The following CES5A variants were observed in gnomAD, a reference collection of about 807,000 sequenced individuals.
CES5A encodes the protein carboxylesterase 5.
A neutral mutation model predicts 62.9 loss-of-function variants in CES5A; 67 were observed. The observed-to-expected ratio is 1.07, with a 90% CI of 0.88 to 1.31. CES5A has a LOEUF of 1.31. CES5A is among the 50% of genes most tolerant of loss of function. CES5A has a pLI of 0.00. For missense variants in CES5A, 748 were observed against 708.5 expected (o/e 1.06, Z -0.63); for synonymous variants, 296 against 280.8 (o/e 1.05, Z -0.54).
intron 6 of CES5A, among the ~76,000 whole-genome samples, chr16:55,862,962 C>T (rs2033382808): frequency 6.6e-6 from 1 of 152,176 alleles, no homozygotes; most frequent in African/African-American, 2.4e-5. Context: ...AGCATTATTT[C>T]CCACTGAGCT....
In CES5A at chr16:55,873,892, C is replaced by G. The variant is rs374468646; in HGVS notation, c.219G>C (p.Thr73=). ...CCCAGGGCGATGCAGGCTGCGGGTT[C>G]GTAAATCGCAGGGATCCCAGCGGGG... is the stretch of plus-strand genomic sequence containing the variant. The part of the protein sequence containing the change: ...AAPPLGSLRF[T]NPQPASPWDN... The change falls in exon 2 of 13, where the codon ACG becomes ACC. Residue 73 remains threonine (T), a synonymous_variant. Coordinates refer to ENST00000290567, the MANE Select transcript of CES5A (RefSeq NM_001143685.2). The G allele has an allele frequency of 1.9e-6, 3 of 1,613,654 alleles. No homozygotes were observed. Among genetic ancestry groups the G allele is most frequent in the African/African-American group, 2.7e-5 (2 of 74,924 alleles).
At chr16:55,917,288 AC>A (rs1263093153) in intron 1 of CES5A, among the ~76,000 whole-genome samples, 1 of 152,138 alleles carries the variant, frequency 6.6e-6, no homozygotes, top group Non-Finnish European at 1.5e-5. Context: ...CTCACAAATT[AC>A]CCCCTAAATT....
chr16:55,900,661 T>G (rs1182306325), intron 1 of CES5A, among the ~76,000 whole-genome samples: 1 of 152,158 alleles, frequency 6.6e-6, no homozygotes, highest in African/African-American at 2.4e-5. Context: ...CCCTGGTGAT[T>G]GTCCAGAGGG....
intron 2 of CES5A, among the ~76,000 whole-genome samples, chr16:55,931,140 C>T (rs1422523030): frequency 1.3e-5 from 2 of 152,214 alleles, no homozygotes; most frequent in African/African-American, 4.8e-5. Flanking sequence ...TAGTCCAGTG[C>T]TTTTTCCACT....
At chr16:55,855,299 T>C (rs1249153583) in intron 9 of CES5A, among the ~76,000 whole-genome samples, 1 of 151,906 alleles carries the variant, frequency 6.6e-6, no homozygotes, top group Non-Finnish European at 1.5e-5. Flanking sequence ...TAAACGTTTA[T>C]GGAAAAAGAG....
chr16:55,875,135 A>G lies in CES5A; in HGVS notation c.73+14T>C, dbSNP rs1006733016. On this transcript the variant is annotated intron_variant, in intron 1 of 12. Transcript: ENST00000290567. ...CATCTTCTGAGAGCCCTCCTTTCCC[A>G]TTGGATATCTCACCTTTGGTGGGGG... is the stretch of plus-strand genomic sequence containing the variant. 3 of 1,613,012 alleles carry G rather than the reference A, an allele frequency of 1.9e-6. No individual in the cohort carries two copies. In the African/African-American group the frequency reaches 4.0e-5, roughly 22 times the overall value.
chr16:55,921,265 A>T (rs1322019000), intron 1 of CES5A, among the ~76,000 whole-genome samples: 3 of 152,166 alleles, frequency 2.0e-5, no homozygotes, highest in Admixed American at 2.0e-4. Context: ...GGAAGATCAG[A>T]GAATTCCAAA....
intron 1 of CES5A, among the ~76,000 whole-genome samples, chr16:55,910,152 T>C (rs1351518045): frequency 6.6e-6 from 1 of 152,180 alleles, no homozygotes; most frequent in East Asian, 1.9e-4. Context: ...CGATGTGCCC[T>C]GTGGCCACAC....
chr16:55,852,592 G>A (rs2142385535), intron 10 of CES5A, among the ~76,000 whole-genome samples: 1 of 152,262 alleles, frequency 6.6e-6, no homozygotes, highest in Non-Finnish European at 1.5e-5. Flanking sequence ...TTTCTAGAAA[G>A]AAAAAATCCT....
intron 1 of CES5A, among the ~76,000 whole-genome samples, chr16:55,912,451 A>C (rs1044192404): frequency 6.6e-6 from 1 of 152,136 alleles, no homozygotes; most frequent in African/African-American, 2.4e-5. Context: ...GCCAGGCACC[A>C]AGGGGGTGCT....
At position 55,854,544 on chromosome 16, in the gene CES5A, C is replaced by CTTTTTTTTTTTTTTTTTTTTTT. The variant is rs56017491; in HGVS notation, c.1126-1517_1126-1516insAAAAAAAAAAAAAAAAAAAAAA. 5.1e-4 allele frequency among the ~76,000 whole-genome samples: 33 copies of CTTTTTTTTTTTTTTTTTTTTTT among 64,418 alleles called. 8 individuals carry two copies. Among genetic ancestry groups the CTTTTTTTTTTTTTTTTTTTTTT allele is most frequent in the African/African-American group, 1.8e-3 (26 of 14,322 alleles). 42.3% of individuals were successfully genotyped at this position (64,418 alleles called of 152,430 possible). A position where few individuals can be genotyped will look rare whatever the true frequency, so the allele number is the denominator to read the frequency against. On this transcript the variant is annotated intron_variant, in intron 9 of 12. Coordinates refer to ENST00000290567, the MANE Select transcript of CES5A (RefSeq NM_001143685.2). The stretch of plus-strand genomic sequence containing the variant: ...CCTGTAGTGTTTCTTTTTTTTTTTT[C>CTTTTTTTTTTTTTTTTTTTTTT]TTTTTTTTTTTTTGAGACAGAGTCT...
At chr16:55,916,395 A>G (rs1007994328) in intron 1 of CES5A, among the ~76,000 whole-genome samples, 1 of 152,176 alleles carries the variant, frequency 6.6e-6, no homozygotes, top group Non-Finnish European at 1.5e-5. Flanking sequence ...GAGAAAGCCT[A>G]TTATCATTTA....
intron 1 of CES5A, among the ~76,000 whole-genome samples, chr16:55,923,499 T>C (rs749813317): frequency 7.9e-5 from 12 of 151,700 alleles, no homozygotes; most frequent in Admixed American, 1.3e-4. Context: ...AAACCAATAA[T>C]AAATAATGAG....
chr16:55,875,036 A>G, intron 1 of CES5A, 113 bp downstream of exon 1: 1 of 1,048,198 alleles, frequency 9.5e-7, no homozygotes, highest in South Asian at 1.3e-5. Flanking sequence ...AAAGTACTAC[A>G]TAGCTCTCCA....
At chr16:55,862,867 A>C (rs1242861619) in intron 6 of CES5A, among the ~76,000 whole-genome samples, 6 of 152,228 alleles carry the variant, frequency 3.9e-5, no homozygotes, top group African/African-American at 1.4e-4. Context: ...ACTATCTAGT[A>C]GATAATTAAG....
At chr16:55,896,859 G>T (rs907636602) in intron 1 of CES5A, among the ~76,000 whole-genome samples, 1 of 152,176 alleles carries the variant, frequency 6.6e-6, no homozygotes, top group African/African-American at 2.4e-5. Context: ...CTTGTGTAAG[G>T]CCCTGAATAC....
chr16:55,924,450 T>C (rs2034239034), intron 1 of CES5A, among the ~76,000 whole-genome samples: 1 of 152,002 alleles, frequency 6.6e-6, no homozygotes, highest in African/African-American at 2.4e-5. Context: ...ATATATTCCA[T>C]GCTCATGGAT....
At chr16:55,907,901 G>A (rs935967996) in intron 1 of CES5A, among the ~76,000 whole-genome samples, 1 of 152,170 alleles carries the variant, frequency 6.6e-6, no homozygotes, top group East Asian at 1.9e-4. Flanking sequence ...TGCATGGCAG[G>A]TCTGCTCCAC....
intron 1 of CES5A, chr16:55,955,749 T>A: frequency 7.4e-7 from 1 of 1,349,036 alleles, no homozygotes; most frequent in Non-Finnish European, 1.0e-6. Context: ...CAAAGTTGGG[T>A]GGGTAAATTT....
Sources: allele counts gnomAD v4.1 joint callset (sites outside exome capture counted in the v4.1 genomes callset), GRCh38; gene constraint gnomAD v4.1.1; transcripts MANE v1.5; gene names NCBI Gene and HGNC (gene_info 2026-07-23, HGNC 2026-07-21).